Variants in LDLRAD4 observed in about 807,000 individuals in gnomAD.
LDLRAD4 encodes the protein low-density lipoprotein receptor class A domain-containing protein 4.
LDLRAD4 carries 5 observed loss-of-function variants against 17.0 expected under a neutral mutation model. That is an observed-to-expected ratio of 0.29 (90% confidence interval 0.15 to 0.62). LDLRAD4 has a LOEUF of 0.62. LDLRAD4 is among the 20% of genes least tolerant of loss of function. The pLI is 0.84. For missense variants in LDLRAD4, 340 were observed against 424.7 expected, an observed-to-expected ratio of 0.80 and a Z score of 1.75; for synonymous variants, 168 against 171.8, an observed-to-expected ratio of 0.98 and a Z score of 0.17.
chr18:13,448,713 T>C (rs985154741), intron 3 of LDLRAD4, among the ~76,000 whole-genome samples: 1 of 151,114 alleles, frequency 6.6e-6, no homozygotes, highest in African/African-American at 2.4e-5. Context: ...GGCTGGGAGG[T>C]GCTTTGTCGC....
At chr18:13,503,071 A>G (rs757725389) in intron 3 of LDLRAD4, among the ~76,000 whole-genome samples, 1 of 152,272 alleles carries the variant, frequency 6.6e-6, no homozygotes, top group Non-Finnish European at 1.5e-5. Flanking sequence ...TTTCGACTGC[A>G]TGAATTCTGT....
intron 3 of LDLRAD4, among the ~76,000 whole-genome samples, chr18:13,576,901 G>T (rs1281658923): frequency 6.6e-6 from 1 of 152,252 alleles, no homozygotes; most frequent in Non-Finnish European, 1.5e-5. Flanking sequence ...CAGACGGGAG[G>T]ACCTGGCTTT....
At chr18:13,254,848 C>T (rs994333231) in intron 1 of LDLRAD4, among the ~76,000 whole-genome samples, 1 of 152,132 alleles carries the variant, frequency 6.6e-6, no homozygotes, top group Admixed American at 6.5e-5. Flanking sequence ...CCTGTGGTCC[C>T]AGCAACTTAG....
chr18:13,413,212 C>G (rs1194589072), intron 2 of LDLRAD4, among the ~76,000 whole-genome samples: 2 of 152,192 alleles, frequency 1.3e-5, no homozygotes, highest in Admixed American at 6.6e-5. Context: ...TCTGCGTTTT[C>G]TGTTGCAAAG....
chr18:13,640,592 T>C (rs1431003028), intron 4 of LDLRAD4, among the ~76,000 whole-genome samples: 1 of 152,174 alleles, frequency 6.6e-6, no homozygotes, highest in East Asian at 1.9e-4. Flanking sequence ...AGGTAACAAT[T>C]GTGCCCTTGT....
chr18:13,492,581 T>C (rs2093381590), intron 3 of LDLRAD4, among the ~76,000 whole-genome samples: 1 of 152,200 alleles, frequency 6.6e-6, no homozygotes, highest in Non-Finnish European at 1.5e-5. Context: ...GGATGGCCAA[T>C]GGGCATTGTC....
chr18:13,319,906 T>C (rs2143216629), intron 1 of LDLRAD4, among the ~76,000 whole-genome samples: 1 of 152,364 alleles, frequency 6.6e-6, no homozygotes, highest in African/African-American at 2.4e-5. Context: ...GAGGCCACTA[T>C]GTCTCATTTC....
intron 1 of LDLRAD4, among the ~76,000 whole-genome samples, chr18:13,312,291 C>G (rs1894010): frequency 0.97 from 148,320 of 152,312 alleles, 72,337 homozygotes; most frequent in East Asian, 1. Flanking sequence ...AATGAATTTT[C>G]TGTTTAGGCT....
At chr18:13,298,149 G>A (rs1453788137) in intron 1 of LDLRAD4, among the ~76,000 whole-genome samples, 1 of 152,200 alleles carries the variant, frequency 6.6e-6, no homozygotes, top group Non-Finnish European at 1.5e-5. Flanking sequence ...AGGGTGCAAT[G>A]GTGCACAAGC....
At chr18:13,451,091 G>A (rs770967082) in intron 3 of LDLRAD4, among the ~76,000 whole-genome samples, 68 of 152,192 alleles carry the variant, frequency 4.5e-4, no homozygotes, top group Admixed American at 9.8e-4. Context: ...CTCAGGAAAG[G>A]AAACTGAAGC....
intron 3 of LDLRAD4, among the ~76,000 whole-genome samples, chr18:13,601,709 G>A (rs1017692087): frequency 6.6e-6 from 1 of 151,964 alleles, no homozygotes; most frequent in African/African-American, 2.4e-5. Context: ...CACACTCTTG[G>A]TGGAAATGCA....
At chr18:13,314,373 C>G (rs1449433252) in intron 1 of LDLRAD4, among the ~76,000 whole-genome samples, 1 of 152,108 alleles carries the variant, frequency 6.6e-6, no homozygotes. Context: ...TAACTTGTGT[C>G]AAATAATTTA....
chr18:13,609,666 G>T (rs2039306825), intron 3 of LDLRAD4, among the ~76,000 whole-genome samples: 1 of 152,198 alleles, frequency 6.6e-6, no homozygotes. Context: ...GAGTGGGCAA[G>T]GAGCTTAATT....
chr18:13,270,050 G>T (rs566083794), intron 1 of LDLRAD4, among the ~76,000 whole-genome samples: 80 of 152,278 alleles, frequency 5.3e-4, no homozygotes, highest in African/African-American at 1.8e-3. Flanking sequence ...CGCTGTGCTG[G>T]TGTCTCCTGG....
chr18:13,320,209 G>T (rs2081143304), intron 1 of LDLRAD4, among the ~76,000 whole-genome samples: 1 of 152,172 alleles, frequency 6.6e-6, no homozygotes, highest in African/African-American at 2.4e-5. Context: ...TGAGGGAAAA[G>T]AATCATTCGC....
At chr18:13,324,590 C>T (rs536731141) in intron 1 of LDLRAD4, among the ~76,000 whole-genome samples, 8 of 152,082 alleles carry the variant, frequency 5.3e-5, no homozygotes, top group Non-Finnish European at 8.8e-5. Flanking sequence ...CGCAGGAGCA[C>T]GTTGACTCTG....
chr18:13,650,425 C>T (rs2043195124), exon 6 of LDLRAD4: 1 of 398,446 alleles, frequency 2.5e-6, no homozygotes, highest in Admixed American at 4.4e-5. Context: ...ATTATATATA[C>T]ACTATCCGTG....
intron 1 of LDLRAD4, among the ~76,000 whole-genome samples, chr18:13,322,784 A>ATTTT (rs34579599): frequency 1.5e-5 from 2 of 130,428 alleles, no homozygotes; most frequent in Non-Finnish European, 3.2e-5. Flanking sequence ...TACATGGCTA[A>ATTTT]TTTTTTTTTT....
intron 1 of LDLRAD4, chr18:13,279,950 C>G (rs980080116): frequency 1.3e-5 from 2 of 152,276 alleles, no homozygotes; most frequent in African/African-American, 4.8e-5. Flanking sequence ...AAGCAGCTCA[C>G]AGCTGGACTG....
Sources: allele counts gnomAD v4.1 joint callset (sites outside exome capture counted in the v4.1 genomes callset), GRCh38; gene constraint gnomAD v4.1.1; transcripts MANE v1.5; gene names NCBI Gene and HGNC (gene_info 2026-07-23, HGNC 2026-07-21).